MMD2: variants seen among roughly 807,000 people sequenced by gnomAD.
MMD2 encodes the protein monocyte to macrophage differentiation factor 2.
A neutral mutation model predicts 33.5 loss-of-function variants in MMD2; 30 were observed. That is an observed-to-expected ratio of 0.90 (90% confidence interval 0.67 to 1.22). MMD2 has a LOEUF of 1.22. MMD2 is among the 50% of genes most tolerant of loss of function. The pLI, the probability that MMD2 is intolerant of heterozygous loss-of-function variation, is 0.00. For missense variants in MMD2, 364 were observed against 325.4 expected (o/e 1.12, Z -0.91); for synonymous variants, 129 against 123.0 (o/e 1.05, Z -0.32).
Position 4,907,159 on chromosome 7 carries a change from T to C in MMD2, c.*237A>G. 1 of 522,564 alleles carries C rather than the reference T, an allele frequency of 1.9e-6. No homozygotes were observed. The allele number at this position is 522,564 out of a possible 1,614,324, so 32.4% of individuals were successfully genotyped here. The stretch of plus-strand genomic sequence containing the variant: ...TAATGTTGCTTGTATTAGGAAACAC[T>C]CATCTAAAATAGAAACACATTACAG... On this transcript the variant is annotated 3_prime_UTR_variant, in exon 7 of 7. Coordinates refer to ENST00000401401, the MANE Select transcript of MMD2 (RefSeq NM_198403.4).
chr7:4,924,148 CA>C (rs1785360869), intron 2 of MMD2, among the ~76,000 whole-genome samples: 1 of 152,230 alleles, frequency 6.6e-6, no homozygotes, highest in East Asian at 1.9e-4. Flanking sequence ...GCCGAGATCG[CA>C]CCACTGCACT....
intron 6 of MMD2, among the ~76,000 whole-genome samples, chr7:4,908,472 A>C (rs1381395458): frequency 6.6e-6 from 1 of 152,130 alleles, no homozygotes; most frequent in Non-Finnish European, 1.5e-5. Flanking sequence ...AATGTAATAC[A>C]TCTGGGTATA....
chr7:4,916,190 G>A, intron 3 of MMD2, 111 bp from the exon 4 acceptor site: 1 of 942,286 alleles, frequency 1.1e-6, no homozygotes, highest in Non-Finnish European at 1.7e-6. Context: ...TAGCAGGGCT[G>A]GGCTCCTCTG....
rs144589091 is a variant in MMD2 at position 4,921,072 on chromosome 7, C to A, written c.130-741G>T. Among the ~76,000 whole-genome samples, 529 of 152,246 alleles carry A rather than the reference C, an allele frequency of 3.5e-3. 3 individuals carry two copies. The highest frequency in any genetic ancestry group is 0.012 in the African/African-American group (489 of 41,540). On this transcript the variant is annotated intron_variant, in intron 2 of 6. Coordinates refer to ENST00000401401, the MANE Select transcript of MMD2 (RefSeq NM_198403.4). Reference sequence around the variant, plus strand: ...CCAGTGGCTGCCAACCTGGACAGTGCAGGTCTAGATCTTTGATTCAATTCT... The same window carrying A: ...CCAGTGGCTGCCAACCTGGACAGTGAAGGTCTAGATCTTTGATTCAATTCT...
At chr7:4,925,562 T>A in intron 1 of MMD2, 30 bp from the exon 2 acceptor site, 1 of 1,531,910 alleles carries the variant, frequency 6.5e-7, no homozygotes, top group Non-Finnish European at 8.8e-7. Context: ...TCCAGGAAGC[T>A]CCGCTGGGCA....
chr7:4,907,381 C>G lies in MMD2; in HGVS notation c.*15G>C, dbSNP rs1259313861. 1.9e-6 allele frequency: 3 copies of G among 1,613,172 alleles called. No homozygotes were observed. In the African/African-American group the frequency reaches 4.0e-5, roughly 22 times the overall value. ...CACTCCTAAAGCCCAAACGACCTCT[C>G]AAGTCTGGGTCACCTCATTTGGACA... On this transcript the variant is annotated 3_prime_UTR_variant, in exon 7 of 7. Coordinates refer to ENST00000401401, the MANE Select transcript of MMD2 (RefSeq NM_198403.4).
intron 1 of MMD2, among the ~76,000 whole-genome samples, chr7:4,939,023 C>T (rs889750762): frequency 6.6e-6 from 1 of 151,760 alleles, no homozygotes. Flanking sequence ...GCCTGGCCAA[C>T]ATGGTGAAAC....
At chr7:4,909,306 A>G (rs577079824) in intron 6 of MMD2, among the ~76,000 whole-genome samples, 1 of 151,958 alleles carries the variant, frequency 6.6e-6, no homozygotes, top group Admixed American at 6.6e-5. Flanking sequence ...ACATAGTGAG[A>G]CCCCATCTCT....
chr7:4,901,215 C>A (rs181341909), downstream of MMD2, among the ~76,000 whole-genome samples: 7 of 148,206 alleles, frequency 4.7e-5, no homozygotes, highest in East Asian at 1.0e-3. Context: ...CCAAGGTGGG[C>A]GGATCACTTG....
chr7:4,945,190 T>C (rs1786028620), intron 1 of MMD2, among the ~76,000 whole-genome samples: 1 of 129,008 alleles, frequency 7.8e-6, no homozygotes, highest in Admixed American at 8.2e-5. Context: ...TCCTCTTTCT[T>C]CTTCTTCTTC....
intron 2 of MMD2, among the ~76,000 whole-genome samples, chr7:4,925,143 C>T (rs1785389622): frequency 6.6e-6 from 1 of 152,068 alleles, no homozygotes; most frequent in Admixed American, 6.6e-5. Flanking sequence ...GTTGGCCAGG[C>T]TGGTCTCAAA....
Position 4,906,712 on chromosome 7 carries a change from T to C in MMD2, c.*684A>G, listed in dbSNP as rs372638422. The C allele has an allele frequency of 1.5e-5, 6 of 396,260 alleles. No individual in the cohort carries two copies. Among genetic ancestry groups the C allele is most frequent in the Non-Finnish European group, 2.2e-5 (5 of 225,088 alleles). The allele number at this position is 396,260 out of a possible 1,614,324, so 24.5% of individuals were successfully genotyped here. On this transcript the variant is annotated 3_prime_UTR_variant, in exon 7 of 7. Transcript: ENST00000401401. ...CAAAAGGGAGGGGGAGATGAGGAGA[T>C]AGGCATGCAAATGCCCATTTGGAGA...
intron 1 of MMD2, among the ~76,000 whole-genome samples, chr7:4,929,461 G>C (rs1353078448): frequency 6.6e-6 from 1 of 152,072 alleles, no homozygotes. Context: ...TCCTCAAGGT[G>C]GGCCAGGAAG....
chr7:4,929,459 G>C (rs1227011695), intron 1 of MMD2, among the ~76,000 whole-genome samples: 5 of 152,082 alleles, frequency 3.3e-5, no homozygotes, highest in African/African-American at 4.8e-5. Flanking sequence ...CTTCCTCAAG[G>C]TGGGCCAGGA....
At chr7:4,913,284 G>A (rs980904882) in intron 4 of MMD2, among the ~76,000 whole-genome samples, 4 of 152,144 alleles carry the variant, frequency 2.6e-5, no homozygotes, top group African/African-American at 9.7e-5. Flanking sequence ...TTAATTAAAA[G>A]TATTACATTT....
At chr7:4,902,538 A>T (rs1784808517), downstream of MMD2, among the ~76,000 whole-genome samples, 1 of 152,158 alleles carries the variant, frequency 6.6e-6, no homozygotes. Context: ...TCTAGAAACC[A>T]CCAAGGGAGA....
Position 4,909,647 on chromosome 7 carries a change from G to A in MMD2, c.537+234C>T, listed in dbSNP as rs528595758. 1.8e-4 allele frequency: 124 copies of A among 705,410 alleles called. 3 individuals carry two copies. The South Asian group carries it at 1.8e-3, about 10-fold the overall frequency. The allele number at this position is 705,410 out of a possible 1,614,324, so 43.7% of individuals were successfully genotyped here. Reference sequence around the variant, plus strand: ...AGATGGGTCTTGCTATGTTGCCCAGGCTGGTCTCAAATCCCTGGACTCAAA... The same window carrying A: ...AGATGGGTCTTGCTATGTTGCCCAGACTGGTCTCAAATCCCTGGACTCAAA... On this transcript the variant is annotated intron_variant, in intron 6 of 6. Transcript: ENST00000401401.
At chr7:4,931,065 A>G (rs1583381153) in intron 1 of MMD2, among the ~76,000 whole-genome samples, 1 of 152,140 alleles carries the variant, frequency 6.6e-6, no homozygotes, top group African/African-American at 2.4e-5. Flanking sequence ...TGGCCAGGCT[A>G]GTCTCGAACT....
At chr7:4,945,481 T>A (rs1443492009) in intron 1 of MMD2, among the ~76,000 whole-genome samples, 2 of 151,802 alleles carry the variant, frequency 1.3e-5, no homozygotes, top group African/African-American at 2.4e-5. Context: ...TTGGCCAGGC[T>A]GTTATTGAAC....
Sources: gnomAD v4.1 joint callset for allele counts (sites outside exome capture counted in the v4.1 genomes callset) on GRCh38, gnomAD v4.1.1 for gene constraint, MANE v1.5 for transcripts, NCBI Gene and HGNC (gene_info 2026-07-23, HGNC 2026-07-21) for gene names.